GNA12: variants seen among roughly 807,000 people sequenced by gnomAD.
The protein encoded by GNA12 is guanine nucleotide-binding protein subunit alpha-12.
A neutral mutation model predicts 26.0 loss-of-function variants in GNA12; 9 were observed. That is an observed-to-expected ratio of 0.35 (90% CI 0.21 to 0.60). The LOEUF (loss-of-function observed/expected upper bound fraction) is 0.60. GNA12 is among the 20% of genes least tolerant of loss of function. GNA12 has a pLI of 0.78. For synonymous variants in GNA12, 264 were observed against 219.6 expected, an observed-to-expected ratio of 1.20 and a Z score of -1.79; for missense variants, 405 against 525.8, an observed-to-expected ratio of 0.77 and a Z score of 2.25.
chr7:2,821,694 T>C (rs1332670121), intron 1 of GNA12, among the ~76,000 whole-genome samples: 1 of 152,154 alleles, frequency 6.6e-6, no homozygotes, highest in African/African-American at 2.4e-5. Flanking sequence ...TGATGAACAA[T>C]GCTAGGTAAG....
chr7:2,837,968 T>C (rs1778887700), intron 1 of GNA12, among the ~76,000 whole-genome samples: 1 of 152,118 alleles, frequency 6.6e-6, no homozygotes, highest in Non-Finnish European at 1.5e-5. Flanking sequence ...ATTCAAAGTC[T>C]GTTAAGTGCT....
intron 2 of GNA12, among the ~76,000 whole-genome samples, chr7:2,784,995 T>C (rs1225248404): frequency 6.6e-6 from 1 of 152,244 alleles, no homozygotes; most frequent in Non-Finnish European, 1.5e-5. Flanking sequence ...TAAGGATCTA[T>C]GTTAAAATAC....
At chr7:2,733,608 G>T (rs1038736930) in intron 2 of GNA12, 107 bp from the exon 3 acceptor site, 7 of 795,876 alleles carry the variant, frequency 8.8e-6, no homozygotes, top group Admixed American at 4.0e-5. Flanking sequence ...GCCTCCGTGT[G>T]AATGGGAAAG....
chr7:2,752,829 G>T (rs941363388), intron 2 of GNA12, among the ~76,000 whole-genome samples: 10 of 152,162 alleles, frequency 6.6e-5, no homozygotes, highest in Non-Finnish European at 1.3e-4. Context: ...TTCCCCAGTG[G>T]TTACATCTGT....
At chr7:2,843,781 G>T in intron 1 of GNA12, 72 bp downstream of exon 1, 2 of 793,464 alleles carry the variant, frequency 2.5e-6, no homozygotes, top group Non-Finnish European at 3.6e-6. Context: ...GGCGGACCAC[G>T]GAGGGGCCCG....
chr7:2,829,108 G>C (rs1030408315), intron 1 of GNA12, among the ~76,000 whole-genome samples: 1 of 151,894 alleles, frequency 6.6e-6, no homozygotes, highest in Non-Finnish European at 1.5e-5. Context: ...AAAGAAAATG[G>C]TCTGCTCATT....
intron 1 of GNA12, among the ~76,000 whole-genome samples, chr7:2,827,975 G>A (rs960479398): frequency 1.3e-5 from 2 of 152,072 alleles, no homozygotes; most frequent in African/African-American, 2.4e-5. Context: ...TTTACCAGAA[G>A]AGTTCTAATT....
chr7:2,838,087 T>C (rs1778890075), intron 1 of GNA12, among the ~76,000 whole-genome samples: 2 of 151,870 alleles, frequency 1.3e-5, no homozygotes, highest in Admixed American at 6.6e-5. Context: ...CAGTTACACA[T>C]GTATACTGCA....
At chr7:2,839,174 G>A (rs1365287483) in intron 1 of GNA12, among the ~76,000 whole-genome samples, 2 of 152,330 alleles carry the variant, frequency 1.3e-5, no homozygotes, top group Middle Eastern at 3.4e-3. Flanking sequence ...ACCATACACA[G>A]TATACTCTCT....
chr7:2,759,188 TA>T (rs1554257558), intron 2 of GNA12, among the ~76,000 whole-genome samples: 2 of 144,518 alleles, frequency 1.4e-5, no homozygotes, highest in African/African-American at 5.3e-5. Context: ...AATAAATAAA[TA>T]AAATAAAAAT....
At chr7:2,742,031 T>C (rs1275617767) in intron 2 of GNA12, among the ~76,000 whole-genome samples, 1 of 151,940 alleles carries the variant, frequency 6.6e-6, no homozygotes, top group East Asian at 1.9e-4. Flanking sequence ...TTTATTTTTT[T>C]ATTTTTTTGA....
chr7:2,766,558 G>T (rs899702621), intron 2 of GNA12, among the ~76,000 whole-genome samples: 3 of 151,908 alleles, frequency 2.0e-5, no homozygotes, highest in East Asian at 1.9e-4. Flanking sequence ...GCTAATTTTT[G>T]TATTTTAAAT....
chr7:2,819,800 G>A (rs751555731), intron 1 of GNA12, among the ~76,000 whole-genome samples: 7 of 152,156 alleles, frequency 4.6e-5, no homozygotes, highest in Admixed American at 2.0e-4. Context: ...GAAATGTTGC[G>A]GCCAATTCAG....
At chr7:2,740,008 C>A (rs1206690961) in intron 2 of GNA12, among the ~76,000 whole-genome samples, 1 of 152,138 alleles carries the variant, frequency 6.6e-6, no homozygotes, top group African/African-American at 2.4e-5. Flanking sequence ...TTTCTGAAGA[C>A]CACCAAGCTG....
At chr7:2,835,528 G>A in intron 1 of GNA12, 1 of 475,258 alleles carries the variant, frequency 2.1e-6, no homozygotes, top group Non-Finnish European at 3.9e-6. Context: ...GTGGAGACAG[G>A]GTTGTATTTG....
chr7:2,798,289 T>G (rs112734317), intron 1 of GNA12, among the ~76,000 whole-genome samples: 342 of 152,200 alleles, frequency 2.2e-3, no homozygotes, highest in African/African-American at 7.4e-3. Flanking sequence ...AATCCCAAAG[T>G]AATCTACCAA....
intron 1 of GNA12, among the ~76,000 whole-genome samples, chr7:2,800,333 G>A (rs887323628): frequency 3.9e-5 from 6 of 152,244 alleles, no homozygotes; most frequent in African/African-American, 1.2e-4. Context: ...TAATGGGAAA[G>A]ACAGGGGGAG....
chr7:2,791,360 G>C (rs769819652), intron 2 of GNA12, among the ~76,000 whole-genome samples: 2 of 152,222 alleles, frequency 1.3e-5, no homozygotes, highest in Non-Finnish European at 2.9e-5. Flanking sequence ...GGGGCCAGTG[G>C]GGAAGGCGGC....
At chr7:2,809,500 C>T (rs79457534) in intron 1 of GNA12, among the ~76,000 whole-genome samples, 2 of 152,146 alleles carry the variant, frequency 1.3e-5, no homozygotes, top group East Asian at 3.9e-4. Flanking sequence ...ATAAATATTG[C>T]CCCATACTTT....
Sources: allele counts gnomAD v4.1 joint callset (sites outside exome capture counted in the v4.1 genomes callset), GRCh38; gene constraint gnomAD v4.1.1; transcripts MANE v1.5; gene names NCBI Gene and HGNC (gene_info 2026-07-23, HGNC 2026-07-21).